RAB11FIP4: variants seen among roughly 807,000 people sequenced by gnomAD.
The protein encoded by RAB11FIP4 is rab11 family-interacting protein 4.
Under a neutral mutation model 74.3 loss-of-function variants are expected in RAB11FIP4, and 23 were observed. The ratio of observed to expected loss-of-function variants is 0.31; its 90% CI spans 0.22 to 0.44. RAB11FIP4 has a LOEUF of 0.44. Ranked by LOEUF, RAB11FIP4 falls within the 20% of genes least tolerant of loss-of-function variation. The pLI is 1.00. For synonymous variants in RAB11FIP4, 360 were observed against 359.9 expected (o/e 1.00, Z 0.00); for missense variants, 630 against 863.9 (o/e 0.73, Z 3.39).
chr17:31,458,637 G>A (rs753321436), intron 3 of RAB11FIP4, among the ~76,000 whole-genome samples: 6 of 152,158 alleles, frequency 3.9e-5, no homozygotes, highest in Non-Finnish European at 8.8e-5. Flanking sequence ...CCTGGCTGTG[G>A]GGCTTCTGGG....
At chr17:31,464,595 G>A (rs574523230) in intron 3 of RAB11FIP4, among the ~76,000 whole-genome samples, 2 of 151,948 alleles carry the variant, frequency 1.3e-5, no homozygotes, top group African/African-American at 4.8e-5. Context: ...GGGATTACAG[G>A]CGCCCACCAC....
Position 31,521,777 on chromosome 17 carries a change from A to G in RAB11FIP4, c.759-138A>G, listed in dbSNP as rs1402936375. On this transcript the variant is annotated intron_variant, in intron 5 of 14. Transcript: ENST00000621161. ...GTTGGAGAAGGGATGATCTGTTGCTATATTTCCACTCCCTGCCCCTCCCCC... is the reference window on the plus strand; with the variant it reads ...GTTGGAGAAGGGATGATCTGTTGCTGTATTTCCACTCCCTGCCCCTCCCCC... 1.9e-5 allele frequency: 18 copies of G among 932,172 alleles called. No homozygotes were observed. In the East Asian group the frequency reaches 2.3e-4, roughly 12 times the overall value. The allele number at this position is 932,172 out of a possible 1,614,324, so 57.7% of individuals were successfully genotyped here.
intron 1 of RAB11FIP4, among the ~76,000 whole-genome samples, chr17:31,420,195 T>C (rs574887756): frequency 1.3e-5 from 2 of 152,286 alleles, no homozygotes; most frequent in African/African-American, 4.8e-5. Context: ...TGTTCCCTTA[T>C]TAGCCTTTTA....
At chr17:31,469,933 A>C (rs1055798180) in intron 3 of RAB11FIP4, among the ~76,000 whole-genome samples, 16 of 152,190 alleles carry the variant, frequency 1.1e-4, no homozygotes, top group Non-Finnish European at 7.3e-5. Context: ...GCTTTACCTG[A>C]GCTGACATAA....
At chr17:31,457,803 T>G (rs917113585) in intron 3 of RAB11FIP4, among the ~76,000 whole-genome samples, 1 of 152,050 alleles carries the variant, frequency 6.6e-6, no homozygotes, top group Non-Finnish European at 1.5e-5. Context: ...TGTCTCTGTC[T>G]GCATGTGTGC....
At chr17:31,523,278 G>A (rs940993379) in intron 7 of RAB11FIP4, 11 of 573,384 alleles carry the variant, frequency 1.9e-5, no homozygotes, top group African/African-American at 7.5e-5. Flanking sequence ...GAAGCTGTGC[G>A]TCATTGGCTG....
At chr17:31,507,103 C>G (rs547936217) in intron 3 of RAB11FIP4, among the ~76,000 whole-genome samples, 1 of 152,116 alleles carries the variant, frequency 6.6e-6, no homozygotes, top group African/African-American at 2.4e-5. Flanking sequence ...TATGGTGAAA[C>G]CCTTTCTCTA....
At chr17:31,430,421 G>T (rs1375655277) in intron 1 of RAB11FIP4, among the ~76,000 whole-genome samples, 1 of 145,480 alleles carries the variant, frequency 6.9e-6, no homozygotes, top group Non-Finnish European at 1.5e-5. Context: ...GCAGTGGCGT[G>T]ATCTCAGCTC....
intron 3 of RAB11FIP4, among the ~76,000 whole-genome samples, chr17:31,441,107 C>T (rs564809016): frequency 4.7e-4 from 72 of 152,226 alleles, no homozygotes; most frequent in Admixed American, 3.1e-3. Context: ...TCACTGCAAC[C>T]TCTGCCTCCC....
At chr17:31,444,349 A>ACCCCCCC (rs367971641) in intron 3 of RAB11FIP4, among the ~76,000 whole-genome samples, 1 of 146,868 alleles carries the variant, frequency 6.8e-6, no homozygotes, top group African/African-American at 2.6e-5. Flanking sequence ...ATGTTTCAAC[A>ACCCCCCC]CCCCCCCCAC....
intron 3 of RAB11FIP4, among the ~76,000 whole-genome samples, chr17:31,484,382 CT>C (rs200448867): frequency 0.022 from 3,277 of 146,126 alleles, 118 homozygotes; most frequent in African/African-American, 0.073. Flanking sequence ...GACATTGTCT[CT>C]TTAAAAAAAA....
At chr17:31,430,880 G>A (rs887920765) in intron 1 of RAB11FIP4, among the ~76,000 whole-genome samples, 20 of 152,142 alleles carry the variant, frequency 1.3e-4, no homozygotes, top group Non-Finnish European at 5.9e-5. Context: ...CAGTGATGCT[G>A]AAGAACCCTG....
chr17:31,520,776 G>C (rs1177492091), intron 4 of RAB11FIP4: 2 of 152,432 alleles, frequency 1.3e-5, no homozygotes, highest in Middle Eastern at 3.4e-3. Flanking sequence ...AAAGTGCTGG[G>C]GTTACAGGCG....
chr17:31,535,310 C>T lies in RAB11FIP4; in HGVS notation c.*3578C>T, dbSNP rs1441437037. On this transcript the variant is annotated 3_prime_UTR_variant, in exon 15 of 15. Coordinates refer to ENST00000621161, the MANE Select transcript of RAB11FIP4 (RefSeq NM_032932.6). ...CAAGAACCTGCACGAGGGCCTAAAACAGTGGGCTCAGCTTTGGCTGTGCAT... is the reference window on the plus strand; with the variant it reads ...CAAGAACCTGCACGAGGGCCTAAAATAGTGGGCTCAGCTTTGGCTGTGCAT... The T allele has an allele frequency of 6.7e-6, 1 of 148,860 alleles. No individual in the cohort carries two copies. The highest frequency in any genetic ancestry group is 2.5e-5 in the African/African-American group (1 of 40,362). The allele number at this position is 148,860 out of a possible 1,614,324, so 9.2% of individuals were successfully genotyped here.
At chr17:31,477,056 CCTT>C (rs1389978743) in intron 3 of RAB11FIP4, among the ~76,000 whole-genome samples, 12 of 152,236 alleles carry the variant, frequency 7.9e-5, no homozygotes, top group Non-Finnish European at 7.3e-5. Context: ...AGTCTGCAGC[CCTT>C]CTTCTGTCTT....
chr17:31,419,991 T>A (rs2071184141), intron 1 of RAB11FIP4, among the ~76,000 whole-genome samples: 1 of 152,218 alleles, frequency 6.6e-6, no homozygotes, highest in African/African-American at 2.4e-5. Context: ...CTTAAATACT[T>A]AGTGAAATTA....
rs2072795903 is a variant in RAB11FIP4 at position 31,527,902 on chromosome 17, TCAAA to T, written c.1338_1341del (p.Thr447ArgfsTer31). ...GAACAACAGTGACTCGGCTCAAGTC[TCAAA>T]CAGAGAAACTGGATGAGGTGAGCAG... On this transcript the variant is annotated frameshift_variant, in exon 11 of 15. Transcript: ENST00000621161. LOFTEE classifies it high-confidence loss of function. 6.2e-7 allele frequency: 1 copy of T among 1,602,742 alleles called. No homozygotes were observed. The highest frequency in any genetic ancestry group is 8.5e-7 in the Non-Finnish European group (1 of 1,174,942).
At chr17:31,525,057 G>T (rs1467315331) in intron 9 of RAB11FIP4, 33 bp from the exon 10 acceptor site, 1 of 1,549,608 alleles carries the variant, frequency 6.5e-7, no homozygotes, top group Non-Finnish European at 8.7e-7. Context: ...AATGGTGCAG[G>T]CCCCAAGAGC....
At chr17:31,525,960 C>G (rs920239071) in intron 10 of RAB11FIP4, 1 of 152,190 alleles carries the variant, frequency 6.6e-6, no homozygotes, top group Non-Finnish European at 1.5e-5. Flanking sequence ...CCAGAGTTGC[C>G]GAGCCCCACC....
Sources: gnomAD v4.1 joint callset for allele counts (sites outside exome capture counted in the v4.1 genomes callset) on GRCh38, gnomAD v4.1.1 for gene constraint, MANE v1.5 for transcripts, NCBI Gene and HGNC (gene_info 2026-07-23, HGNC 2026-07-21) for gene names.